ZBTB7B: variants seen among roughly 807,000 people sequenced by gnomAD.
ZBTB7B encodes the protein zinc finger and BTB domain-containing protein 7B.
A neutral mutation model predicts 31.0 loss-of-function variants in ZBTB7B; 8 were observed. That is an observed-to-expected ratio of 0.26 (90% CI 0.15 to 0.47). ZBTB7B has a LOEUF of 0.47. ZBTB7B is among the 20% of genes least tolerant of loss of function. The probability of loss-of-function intolerance (pLI) is 0.99; values close to 1 mark genes in which losing one functional copy is unlikely to be tolerated. For missense variants in ZBTB7B, 494 were observed against 742.4 expected (o/e 0.67, Z 3.89); for synonymous variants, 261 against 307.3 (o/e 0.85, Z 1.58).
Position 155,018,394 on chromosome 1 carries a change from C to T in ZBTB7B, c.*1709C>T. On this transcript the variant is annotated 3_prime_UTR_variant, in exon 3 of 3. Coordinates refer to ENST00000535420, the MANE Select transcript of ZBTB7B (RefSeq NM_001256455.2). Reference sequence around the variant, plus strand: ...GGGGACAATGTGGCCTCCCTTCTCCCTACTTTCGGCTTTCCCAGTCAGTGC... The same window carrying T: ...GGGGACAATGTGGCCTCCCTTCTCCTTACTTTCGGCTTTCCCAGTCAGTGC... 1.3e-6 allele frequency: 1 copy of T among 784,316 alleles called. No homozygotes were observed. Among genetic ancestry groups the T allele is most frequent in the Non-Finnish European group, 2.0e-6 (1 of 502,908 alleles). 48.6% of individuals were successfully genotyped at this position (784,316 alleles called of 1,614,324 possible).
In ZBTB7B at chr1:155,015,373, T is replaced by TGGC. The variant is rs1659290855; in HGVS notation, c.716_718dup (p.Ala239dup). 1 of 1,572,580 alleles carries TGGC rather than the reference T, an allele frequency of 6.4e-7. No individual in the cohort carries two copies. Among genetic ancestry groups the TGGC allele is most frequent in the African/African-American group, 1.4e-5 (1 of 73,868 alleles). On this transcript the variant is annotated inframe_insertion, in exon 2 of 3. Transcript: ENST00000535420. ...CCCTTGACCTATGAGGAGGAGGAGGTGGCGGGCAGAGTGGGCAGCAGTGGG... is the reference window on the plus strand; with the variant it reads ...CCCTTGACCTATGAGGAGGAGGAGGTGGCGGCGGGCAGAGTGGGCAGCAGTGGG...
chr1:155,012,233 A>G (rs948796118), intron 1 of ZBTB7B, among the ~76,000 whole-genome samples: 2 of 151,788 alleles, frequency 1.3e-5, no homozygotes, highest in African/African-American at 4.8e-5. Context: ...GGGTGGGAGA[A>G]AGGAGGCGGG....
Position 155,004,087 on chromosome 1 carries a change from C to T in ZBTB7B, c.-7+1144C>T, listed in dbSNP as rs984372302. ...CCTGGGGGGCAGGGGGGCGGGGAGC[C>T]TGGGTCCGGAGCAGGGGAGGGGCAG... On this transcript the variant is annotated intron_variant, in intron 1 of 2. Transcript: ENST00000535420. The surrounding 1 kb of genome is among the most constrained non-coding windows in gnomAD (Gnocchi z 4.0). Among the ~76,000 whole-genome samples, 1 of 152,172 alleles carries T rather than the reference C, an allele frequency of 6.6e-6. No homozygotes were observed. Among genetic ancestry groups the T allele is most frequent in the African/African-American group, 2.4e-5 (1 of 41,444 alleles).
Position 155,017,357 on chromosome 1 carries a change from A to AGAGGGGGCAGGC in ZBTB7B, c.*678_*679insGCAGGCGAGGGG, listed in dbSNP as rs1553257700. ...TGGCTCGCCTGCCCCTGGGGGCAGT[A>AGAGGGGGCAGGC]GAGGGGCCCCGCCCAGCTAGGGGAG... On this transcript the variant is annotated 3_prime_UTR_variant, in exon 3 of 3. Transcript: ENST00000535420. 6.6e-6 allele frequency: 1 copy of AGAGGGGGCAGGC among 152,332 alleles called. No homozygotes were observed. Among genetic ancestry groups the AGAGGGGGCAGGC allele is most frequent in the African/African-American group, 2.4e-5 (1 of 41,348 alleles). The allele number at this position is 152,332 out of a possible 1,614,324, so 9.4% of individuals were successfully genotyped here. A position where few individuals can be genotyped will look rare whatever the true frequency, so the allele number is the denominator to read the frequency against.
Position 155,018,279 on chromosome 1 carries a change from G to C in ZBTB7B, c.*1594G>C, listed in dbSNP as rs1173424170. 3.9e-6 allele frequency: 2 copies of C among 513,714 alleles called. No individual in the cohort carries two copies. The highest frequency in any genetic ancestry group is 2.3e-5 in the South Asian group (1 of 44,254). The allele number at this position is 513,714 out of a possible 1,614,324, so 31.8% of individuals were successfully genotyped here. Reference sequence around the variant, plus strand: ...TGATGTAATATATTGGGGTGGCGGGGAGATCGGGTTGTCCTGGGCCTCATC... The same window carrying C: ...TGATGTAATATATTGGGGTGGCGGGCAGATCGGGTTGTCCTGGGCCTCATC... On this transcript the variant is annotated 3_prime_UTR_variant, in exon 3 of 3. Transcript: ENST00000535420.
Position 155,017,606 on chromosome 1 carries a change from G to GGT in ZBTB7B, c.*925_*926dup, listed in dbSNP as rs1659561928. The GGT allele has an allele frequency of 6.5e-6, 1 of 152,950 alleles. No homozygotes were observed. The highest frequency in any genetic ancestry group is 1.9e-4 in the East Asian group (1 of 5,212). 9.5% of individuals were successfully genotyped at this position (152,950 alleles called of 1,614,324 possible). On this transcript the variant is annotated 3_prime_UTR_variant, in exon 3 of 3. Transcript: ENST00000535420. ...CCGCCCCCGGGCTGGCGCAGCGAAG[G>GGT]GTGTGGGACAGGGTAAGGGGTTGGA...
chr1:155,005,169 T>G (rs1179558692), intron 1 of ZBTB7B, among the ~76,000 whole-genome samples: 1 of 150,288 alleles, frequency 6.7e-6, no homozygotes, highest in African/African-American at 2.5e-5. Context: ...TTTGTGTGCC[T>G]GCACTTGGCA....
At position 155,017,635 on chromosome 1, in the gene ZBTB7B, G is replaced by C. The variant is rs984112167; in HGVS notation, c.*950G>C. 2 of 152,390 alleles carry C rather than the reference G, an allele frequency of 1.3e-5. No homozygotes were observed. The highest frequency in any genetic ancestry group is 2.9e-5 in the Non-Finnish European group (2 of 68,144). The allele number at this position is 152,390 out of a possible 1,614,324, so 9.4% of individuals were successfully genotyped here. The stretch of plus-strand genomic sequence containing the variant: ...TGGGACAGGGTAAGGGGTTGGAAGA[G>C]CCTTGTGGAGAGCGGGCGAGCCGGC... On this transcript the variant is annotated 3_prime_UTR_variant, in exon 3 of 3. Transcript: ENST00000535420.
intron 1 of ZBTB7B, among the ~76,000 whole-genome samples, chr1:155,005,863 C>A (rs536151823): frequency 6.6e-6 from 1 of 152,322 alleles, no homozygotes; most frequent in East Asian, 1.9e-4. Context: ...CCCCCCCACT[C>A]TTGCCAACAC....
At chr1:155,009,893 A>G (rs1482759190) in intron 1 of ZBTB7B, among the ~76,000 whole-genome samples, 1 of 152,044 alleles carries the variant, frequency 6.6e-6, no homozygotes, top group East Asian at 1.9e-4. Flanking sequence ...GGGAAGAGAA[A>G]GGAGAGGCAG....
chr1:155,018,503 A>G lies in ZBTB7B; in HGVS notation c.*1818A>G, dbSNP rs760682601. The G allele has an allele frequency of 6.3e-7, 1 of 1,582,556 alleles. No homozygotes were observed. Among genetic ancestry groups the G allele is most frequent in the African/African-American group, 1.4e-5 (1 of 69,302 alleles). On this transcript the variant is annotated 3_prime_UTR_variant, in exon 3 of 3. Coordinates refer to ENST00000535420, the MANE Select transcript of ZBTB7B (RefSeq NM_001256455.2). The stretch of plus-strand genomic sequence containing the variant: ...CCTCGGGTGTAAGCGACAGGAAGAA[A>G]TAATAATAATTTAAGATTCACACTT...
chr1:155,014,417 C>T, intron 1 of ZBTB7B: 1 of 551,264 alleles, frequency 1.8e-6, no homozygotes, highest in Non-Finnish European at 3.2e-6. Context: ...TGAGTTTGAA[C>T]ACTGTTCTGC....
At chr1:155,007,451 G>T (rs747049872) in intron 1 of ZBTB7B, among the ~76,000 whole-genome samples, 4 of 152,216 alleles carry the variant, frequency 2.6e-5, no homozygotes, top group Non-Finnish European at 4.4e-5. Flanking sequence ...GCTTGGGCAG[G>T]GGGAATGCCG....
intron 1 of ZBTB7B, among the ~76,000 whole-genome samples, chr1:155,006,823 A>G (rs187690428): frequency 6.6e-6 from 1 of 151,208 alleles, no homozygotes; most frequent in Admixed American, 6.6e-5. Flanking sequence ...TTTGCCTGGG[A>G]GCAGGGGTCC....
At position 155,016,307 on chromosome 1, in the gene ZBTB7B, C is replaced by G; in HGVS notation, c.1242C>G (p.Ser414Arg). Residue 414 changes from serine (S) to arginine (R), a missense_variant, in exon 3 of 3, where the codon AGC becomes AGG. This residue lies in a region of ZBTB7B where 61 missense variants were observed against 170.0 expected (regional missense o/e 0.36). Coordinates refer to ENST00000535420, the MANE Select transcript of ZBTB7B (RefSeq NM_001256455.2). The surrounding 1 kb of genome is among the most constrained non-coding windows in gnomAD (Gnocchi z 4.3). Reference protein sequence around the residue: ...CPHCPARFLHSYDLKNHMHLH... With the variant: ...CPHCPARFLHRYDLKNHMHLH... Reference sequence around the variant, plus strand: ...ACTGCCCAGCCCGCTTCCTGCACAGCTACGACCTCAAGAACCACATGCACC... The same window carrying G: ...ACTGCCCAGCCCGCTTCCTGCACAGGTACGACCTCAAGAACCACATGCACC... 1 of 1,614,112 alleles carries G rather than the reference C, an allele frequency of 6.2e-7. No homozygotes were observed. The highest frequency in any genetic ancestry group is 1.1e-5 in the South Asian group (1 of 91,088).
chr1:155,010,015 G>A (rs1034131035), intron 1 of ZBTB7B, among the ~76,000 whole-genome samples: 1 of 152,096 alleles, frequency 6.6e-6, no homozygotes, highest in African/African-American at 2.4e-5. Flanking sequence ...GGAAGACAAG[G>A]GTCGGAGGAG....
In ZBTB7B at chr1:155,016,850, G is replaced by A. The variant is rs1404644242; in HGVS notation, c.*165G>A. The A allele has an allele frequency of 1.4e-5, 8 of 579,062 alleles. No individual in the cohort carries two copies. The highest frequency in any genetic ancestry group is 2.4e-5 in the Non-Finnish European group (8 of 326,562). 35.9% of individuals were successfully genotyped at this position (579,062 alleles called of 1,614,324 possible). A position where few individuals can be genotyped will look rare whatever the true frequency, so the allele number is the denominator to read the frequency against. On this transcript the variant is annotated 3_prime_UTR_variant, in exon 3 of 3. Transcript: ENST00000535420. This position sits in a 1 kb window ranked among gnomAD's most constrained non-coding sequence, Gnocchi z 4.3. ...CTCATTCCAATTCCAAGCTAAGAAGGTATTGGGGCAGAGGCTCCCCAAATT... is the reference window on the plus strand; with the variant it reads ...CTCATTCCAATTCCAAGCTAAGAAGATATTGGGGCAGAGGCTCCCCAAATT...
In ZBTB7B at chr1:155,015,121, A is replaced by G; in HGVS notation, c.461A>G (p.Asp154Gly). 6.2e-7 allele frequency: 1 copy of G among 1,613,466 alleles called. No homozygotes were observed. Residue 154 changes from aspartate to glycine, a missense_variant, in exon 2 of 3, where the codon GAT becomes GGT. Physicochemically the swap from Asp to Gly is moderately conservative, Grantham distance 94. Around this residue, in one of 5 missense-constraint regions of ZBTB7B, gnomAD observed 90 missense variants for 143.2 expected, o/e 0.63. Coordinates refer to ENST00000535420, the MANE Select transcript of ZBTB7B (RefSeq NM_001256455.2). ...CTAGAAGCTCCCAGCCCGGACGAGG[A>G]TGACTGTGAGCGAGCCCGCCAGTAT... Reference protein sequence around the residue: ...SGLEAPSPDEDDCERARQYLE... With the variant: ...SGLEAPSPDEGDCERARQYLE...
At chr1:155,006,138 T>C (rs1328726315) in intron 1 of ZBTB7B, among the ~76,000 whole-genome samples, 1 of 152,192 alleles carries the variant, frequency 6.6e-6, no homozygotes, top group Non-Finnish European at 1.5e-5. Context: ...AGCTACCACC[T>C]GGCCCCCTGA....
Sources: gnomAD v4.1 joint callset for allele counts (sites outside exome capture counted in the v4.1 genomes callset) on GRCh38, gnomAD v4.1.1 for gene constraint, gnomAD v4.1.1 regional missense constraint, Gnocchi (gnomAD v3.1) non-coding constraint, MANE v1.5 for transcripts, NCBI Gene and HGNC (gene_info 2026-07-23, HGNC 2026-07-21) for gene names.